ZNF300: variants seen among roughly 807,000 people sequenced by gnomAD.
ZNF300 encodes kruppel-like zinc finger protein.
ZNF300 carries 6 observed loss-of-function variants against 13.9 expected under a neutral mutation model. The observed-to-expected ratio is 0.43, with a 90% CI of 0.24 to 0.85. ZNF300 has a LOEUF of 0.85. ZNF300 is among the 40% of genes least tolerant of loss of function. The probability of loss-of-function intolerance (pLI) is 0.25; values close to 1 mark genes in which losing one functional copy is unlikely to be tolerated. For synonymous variants in ZNF300, 237 were observed against 242.2 expected, an observed-to-expected ratio of 0.98 and a Z score of 0.20; for missense variants, 662 against 714.2, an observed-to-expected ratio of 0.93 and a Z score of 0.83.
intron 3 of ZNF300, among the ~76,000 whole-genome samples, chr5:150,902,569 A>G (rs1322090557): frequency 6.6e-6 from 1 of 152,208 alleles, no homozygotes; most frequent in Non-Finnish European, 1.5e-5. Flanking sequence ...GAAAAAAGCT[A>G]TAGACAACAT....
chr5:150,901,494 G>A lies in ZNF300; in HGVS notation c.15+1647C>T, dbSNP rs150420316. Among the ~76,000 whole-genome samples, 735 of 151,930 alleles carry A rather than the reference G, an allele frequency of 4.8e-3. 2 individuals are homozygous for A. The highest frequency in any genetic ancestry group is 7.5e-3 in the Non-Finnish European group (507 of 67,910). ...TGATGGCTACTATATTAGACAGCAC[G>A]GCTCTAAAACAAAGCTACTGAAATC... On this transcript the variant is annotated intron_variant, in intron 3 of 5. Transcript: ENST00000274599.
Position 150,897,958 on chromosome 5 carries a change from A to G in ZNF300, c.265+104T>C. The G allele has an allele frequency of 8.5e-6, 12 of 1,417,872 alleles. No individual in the cohort carries two copies. In the South Asian group the frequency reaches 1.6e-4, roughly 19 times the overall value. The allele number at this position is 1,417,872 out of a possible 1,614,324, so 87.8% of individuals were successfully genotyped here. A position where few individuals can be genotyped will look rare whatever the true frequency, so the allele number is the denominator to read the frequency against. On this transcript the variant is annotated intron_variant, in intron 5 of 5. Transcript: ENST00000274599. The stretch of plus-strand genomic sequence containing the variant: ...CACAATTACTTGTTGAGTGACTACT[A>G]AATTCTCAGCATAGAAGCAAAGAAT...
intron 3 of ZNF300, among the ~76,000 whole-genome samples, chr5:150,898,789 C>G (rs1337736321): frequency 2.0e-5 from 3 of 151,918 alleles, no homozygotes; most frequent in Non-Finnish European, 4.4e-5. Context: ...ATCCAAATAA[C>G]TGGGAGGAAG....
intron 3 of ZNF300, among the ~76,000 whole-genome samples, chr5:150,901,557 T>C (rs1055546347): frequency 6.6e-6 from 1 of 152,068 alleles, no homozygotes; most frequent in Non-Finnish European, 1.5e-5. Context: ...CTTTTTGCAA[T>C]AGAACTCTAA....
rs1754761853 is a variant in ZNF300 at position 150,896,091 on chromosome 5, C to T, written c.1148G>A (p.Cys383Tyr). The change falls in exon 6 of 6, where the codon TGT (cysteine) becomes TAT (tyrosine). Residue 383 changes from cysteine (C) to tyrosine (Y), a missense_variant. Cys to Tyr is a radical substitution (Grantham distance 194). Transcript: ENST00000274599. ...GGAAAAGGCCTTCCCACACTCTCTA[C>T]ATTCATAGGGTTTTTCCCCAGTATG... ...RIHTGEKPYECRECGKAFSQK... is the reference protein window; with the variant it reads ...RIHTGEKPYEYRECGKAFSQK... 1.2e-6 allele frequency: 2 copies of T among 1,613,418 alleles called. No individual in the cohort carries two copies. The highest frequency in any genetic ancestry group is 1.7e-6 in the Non-Finnish European group (2 of 1,179,780).
rs568526962 is a variant in ZNF300 at position 150,895,795 on chromosome 5, T to A, written c.1444A>T (p.Ile482Leu). The A allele has an allele frequency of 6.2e-7, 1 of 1,613,640 alleles. No individual in the cohort carries two copies. The highest frequency in any genetic ancestry group is 8.5e-7 in the Non-Finnish European group (1 of 1,179,816). ...TCTCCAGTATGTGTTCTCTGATGTA[T>A]GATGAGCTGTGACTTGCGGGAGAAT... ...KTFSRKSQLI[I>L]HQRTHTGEKP... The change falls in exon 6 of 6, where the codon ATA becomes TTA. Residue 482 changes from isoleucine (I) to leucine (L), a missense_variant. By Grantham distance (5) the Ile-to-Leu change is conservative. Transcript: ENST00000274599.
rs1192429074 is a variant in ZNF300 at position 150,895,150 on chromosome 5, T to A, written c.*274A>T. On this transcript the variant is annotated 3_prime_UTR_variant, in exon 6 of 6. Coordinates refer to ENST00000274599, the MANE Select transcript of ZNF300 (RefSeq NM_052860.4). The stretch of plus-strand genomic sequence containing the variant: ...TTATCATTTTGTAGTATAAGGAATA[T>A]GCAACTTGACAATATTCTGTATGCT... 1 of 314,492 alleles carries A rather than the reference T, an allele frequency of 3.2e-6. No homozygotes were observed. The allele number at this position is 314,492 out of a possible 1,614,324, so 19.5% of individuals were successfully genotyped here.
In ZNF300 at chr5:150,896,966, C is replaced by A. The variant is rs767325795; in HGVS notation, c.273G>T (p.Lys91Asn). 1 of 1,605,844 alleles carries A rather than the reference C, an allele frequency of 6.2e-7. No homozygotes were observed. The highest frequency in any genetic ancestry group is 8.5e-7 in the Non-Finnish European group (1 of 1,176,630). The change falls in exon 6 of 6, where the codon AAG becomes AAT. Residue 91 changes from lysine (K) to asparagine (N), a missense_variant. Physicochemically the swap from Lys to Asn is moderately conservative, Grantham distance 94 (BLOSUM62 0). Transcript: ENST00000274599. ...ATGACTGGGAGTTGTGAAGGTTACTCTTCCTGTCTAAAAGAAGAAAAGATA... is the reference window on the plus strand; with the variant it reads ...ATGACTGGGAGTTGTGAAGGTTACTATTCCTGTCTAAAAGAAGAAAAGATA... ...EYQADGRQDR[K>N]SNLHNSQSCI...
chr5:150,898,871 A>G (rs1356109511), intron 3 of ZNF300, among the ~76,000 whole-genome samples: 2 of 152,020 alleles, frequency 1.3e-5, no homozygotes, highest in Non-Finnish European at 2.9e-5. Context: ...AAGAAATATT[A>G]TGGGTTGAGT....
chr5:150,898,166 G>A lies in ZNF300; in HGVS notation c.161C>T (p.Pro54Leu). Residue 54 changes from proline to leucine, a missense_variant, in exon 5 of 6, where the codon CCA becomes CTA. Coordinates refer to ENST00000274599, the MANE Select transcript of ZNF300 (RefSeq NM_052860.4). ...TTGTTCCAACTTGGAGATGACATCT[G>A]GTTTGGAAACTGGATACCCTATTAA... Reference protein sequence around the residue: ...LVSMGYPVSKPDVISKLEQGE... With the variant: ...LVSMGYPVSKLDVISKLEQGE... 1 of 1,613,370 alleles carries A rather than the reference G, an allele frequency of 6.2e-7. No individual in the cohort carries two copies. The highest frequency in any genetic ancestry group is 1.1e-5 in the South Asian group (1 of 91,042).
In ZNF300 at chr5:150,896,088, C is replaced by A. The variant is rs1356488083; in HGVS notation, c.1151G>T (p.Arg384Ile). The change falls in exon 6 of 6, where the codon AGA (arginine) becomes ATA (isoleucine). Residue 384 changes from arginine (R) to isoleucine (I), a missense_variant. Transcript: ENST00000274599. ...CTGGGAAAAGGCCTTCCCACACTCT[C>A]TACATTCATAGGGTTTTTCCCCAGT... is the stretch of plus-strand genomic sequence containing the variant. ...IHTGEKPYEC[R>I]ECGKAFSQKS... 6.2e-7 allele frequency: 1 copy of A among 1,613,448 alleles called. No homozygotes were observed. Among genetic ancestry groups the A allele is most frequent in the Admixed American group, 1.7e-5 (1 of 59,852 alleles).
chr5:150,895,986 A>G lies in ZNF300; in HGVS notation c.1253T>C (p.Phe418Ser), dbSNP rs921715774. 6 of 1,613,526 alleles carry G rather than the reference A, an allele frequency of 3.7e-6. No individual in the cohort carries two copies. Among genetic ancestry groups the G allele is most frequent in the Non-Finnish European group, 5.1e-6 (6 of 1,179,786 alleles). The change falls in exon 6 of 6, where the codon TTC becomes TCC. Residue 418 changes from phenylalanine (F) to serine (S), a missense_variant. By Grantham distance (155) the Phe-to-Ser change is radical (BLOSUM62 -2). Coordinates refer to ENST00000274599, the MANE Select transcript of ZNF300 (RefSeq NM_052860.4). The stretch of plus-strand genomic sequence containing the variant: ...TATAATGAGGTGGGACTTCTCACAG[A>G]AGGCTTTCCCACATTCGGTACACTC... ...PYECTECGKA[F>S]CEKSHLIIHK...
chr5:150,896,639 T>C lies in ZNF300; in HGVS notation c.600A>G (p.Leu200=). 1 of 1,613,586 alleles carries C rather than the reference T, an allele frequency of 6.2e-7. No individual in the cohort carries two copies. The highest frequency in any genetic ancestry group is 8.5e-7 in the Non-Finnish European group (1 of 1,179,798). ...FKKNLKPNID[L]PSCYKSNSRK... is the part of the protein sequence containing the mutation. ...TTGAATTGCTCTTATAACAACTCGG[T>C]AGGTCAATATTTGGTTTTAAGTTCT... Residue 200 remains leucine (L), a synonymous_variant, in exon 6 of 6, where the codon CTA becomes CTG. Coordinates refer to ENST00000274599, the MANE Select transcript of ZNF300 (RefSeq NM_052860.4).
In ZNF300 at chr5:150,895,204, T is replaced by TAAC; in HGVS notation, c.*217_*219dup. On this transcript the variant is annotated 3_prime_UTR_variant, in exon 6 of 6. Coordinates refer to ENST00000274599, the MANE Select transcript of ZNF300 (RefSeq NM_052860.4). ...CTTGCTGTGCTGATCACTGAGTTCA[T>TAAC]AACTTTAAAAGCTTTACATGCCATA... 2 of 454,638 alleles carry TAAC rather than the reference T, an allele frequency of 4.4e-6. No individual in the cohort carries two copies. The highest frequency in any genetic ancestry group is 6.6e-5 in the East Asian group (2 of 30,342). 28.2% of individuals were successfully genotyped at this position (454,638 alleles called of 1,614,324 possible). A position where few individuals can be genotyped will look rare whatever the true frequency, so the allele number is the denominator to read the frequency against.
chr5:150,899,463 G>C (rs1175242738), intron 3 of ZNF300, among the ~76,000 whole-genome samples: 1 of 151,920 alleles, frequency 6.6e-6, no homozygotes, highest in Non-Finnish European at 1.5e-5. Context: ...GAATGTCAGA[G>C]CTCTAGAAGA....
intron 3 of ZNF300, among the ~76,000 whole-genome samples, chr5:150,898,854 A>G (rs907612364): frequency 6.6e-6 from 1 of 152,120 alleles, no homozygotes; most frequent in Non-Finnish European, 1.5e-5. Flanking sequence ...GGAAAAGAAT[A>G]ATGCTGAAGA....
In ZNF300 at chr5:150,895,428, G is replaced by C; in HGVS notation, c.1811C>G (p.Ser604Ter). 1 of 1,592,550 alleles carries C rather than the reference G, an allele frequency of 6.3e-7. No individual in the cohort carries two copies. The highest frequency in any genetic ancestry group is 1.3e-5 in the African/African-American group (1 of 74,350). Residue 604 changes from serine to a stop codon, truncating the protein, a stop_gained, in exon 6 of 6, where the codon TCA becomes TGA. Coordinates refer to ENST00000274599, the MANE Select transcript of ZNF300 (RefSeq NM_052860.4). LOFTEE classifies it high-confidence loss of function. ...GGCTTTTCTGTGGCCAGTTCATTAT[G>C]ATTTTACCACTGTGTGAATTCTCTG... ...VHQRIHTVVK[S>*]
rs1251932296 is a variant in ZNF300 at position 150,896,781 on chromosome 5, CTGT to C, written c.455_457del (p.Asn152del). 4 of 1,613,740 alleles carry C rather than the reference CTGT, an allele frequency of 2.5e-6. No individual in the cohort carries two copies. The highest frequency in any genetic ancestry group is 3.3e-5 in the Admixed American group (2 of 59,978). ...CCCTGATGCCTCAGTCACTGTTTTGCTGTTAACAAATGTGACCTGCCTGAAGAG... is the reference window on the plus strand; with the variant it reads ...CCCTGATGCCTCAGTCACTGTTTTGCTAACAAATGTGACCTGCCTGAAGAG... On this transcript the variant is annotated inframe_deletion, in exon 6 of 6. Transcript: ENST00000274599.
chr5:150,899,419 T>A (rs1754916475), intron 3 of ZNF300, among the ~76,000 whole-genome samples: 1 of 151,364 alleles, frequency 6.6e-6, no homozygotes, highest in African/African-American at 2.4e-5. Context: ...ACATTTTTTT[T>A]TAAAAAAAGA....
Sources: gnomAD v4.1 joint callset for allele counts (sites outside exome capture counted in the v4.1 genomes callset) on GRCh38, gnomAD v4.1.1 for gene constraint, MANE v1.5 for transcripts, NCBI Gene and HGNC (gene_info 2026-07-23, HGNC 2026-07-21) for gene names.